WAC: variants seen among roughly 807,000 people sequenced by gnomAD.
WAC encodes WW domain containing adaptor with coiled-coil, also known as WW domain-containing adapter protein with coiled-coil.
A neutral mutation model predicts 79.6 loss-of-function variants in WAC; 11 were observed. The ratio of observed to expected loss-of-function variants is 0.14; its 90% CI spans 0.09 to 0.23. The LOEUF (loss-of-function observed/expected upper bound fraction) is 0.23, where lower values mean the gene tolerates loss of function less well. WAC is among the 10% of genes least tolerant of loss of function. WAC has a pLI of 1.00. For synonymous variants in WAC, 304 were observed against 276.9 expected, an observed-to-expected ratio of 1.10 and a Z score of -0.97; for missense variants, 728 against 773.5, an observed-to-expected ratio of 0.94 and a Z score of 0.70.
chr10:28,619,809 A>G lies in WAC; in HGVS notation c.*203A>G. 3 of 460,708 alleles carry G rather than the reference A, an allele frequency of 6.5e-6. No individual in the cohort carries two copies. The highest frequency in any genetic ancestry group is 1.1e-5 in the Non-Finnish European group (3 of 262,682). The allele number at this position is 460,708 out of a possible 1,614,324, so 28.5% of individuals were successfully genotyped here. On this transcript the variant is annotated 3_prime_UTR_variant, in exon 14 of 14. Coordinates refer to ENST00000354911, the MANE Select transcript of WAC (RefSeq NM_016628.5). ...AACCCTTGAAATGTAGATTTCTTGT[A>G]GATGTATCCTTCACGTTGTAAATAT...
chr10:28,548,220 G>A (rs984896915), intron 3 of WAC, among the ~76,000 whole-genome samples: 7 of 151,940 alleles, frequency 4.6e-5, no homozygotes, highest in African/African-American at 1.7e-4. Flanking sequence ...CACCACGCCC[G>A]GCCAACATTT....
intron 13 of WAC, among the ~76,000 whole-genome samples, chr10:28,619,043 C>T (rs1841593093): frequency 6.6e-6 from 1 of 152,206 alleles, no homozygotes; most frequent in African/African-American, 2.4e-5. Flanking sequence ...CTTTGGGAGG[C>T]CAAGGTGGGC....
rs1480658051 is a variant in WAC, at chr10:28,611,795, C to T, written c.1310C>T (p.Pro437Leu). 6 of 1,613,894 alleles carry T rather than the reference C, an allele frequency of 3.7e-6. No individual in the cohort carries two copies. Among genetic ancestry groups the T allele is most frequent in the Non-Finnish European group, 4.2e-6 (5 of 1,180,008 alleles). The part of the protein sequence containing the change: ...STQAQPSNQS[P>L]MSLTSDASSP... ...ACAGCCCAGCCATCTAATCAGTCTC[C>T]GATGTCTTTAACATCTGATGCGTCA... The change falls in exon 10 of 14, where the codon CCG becomes CTG. Residue 437 changes from proline to leucine, a missense_variant. Around this residue, in one of 3 missense-constraint regions of WAC, gnomAD observed 648 missense variants for 661.5 expected, o/e 0.98. Coordinates refer to ENST00000354911, the MANE Select transcript of WAC (RefSeq NM_016628.5).
intron 3 of WAC, among the ~76,000 whole-genome samples, chr10:28,543,617 CT>C (rs1409427797): frequency 6.6e-6 from 1 of 152,170 alleles, no homozygotes; most frequent in Non-Finnish European, 1.5e-5. Context: ...GTATGCTTGA[CT>C]TCTGAAATGC....
intron 3 of WAC, among the ~76,000 whole-genome samples, chr10:28,549,570 CT>C (rs1339076722): frequency 1.3e-5 from 2 of 152,086 alleles, no homozygotes; most frequent in African/African-American, 4.8e-5. Context: ...ATTGCAATAT[CT>C]TGTTTACAGA....
intron 6 of WAC, 40 bp downstream of exon 6, chr10:28,590,872 TTATTCG>T: frequency 7.0e-7 from 1 of 1,427,472 alleles, no homozygotes; most frequent in African/African-American, 1.4e-5. Context: ...TATGTTTGAC[TTATTCG>T]TATTTATTTT....
intron 7 of WAC, among the ~76,000 whole-genome samples, chr10:28,605,659 T>G (rs1482730136): frequency 6.6e-6 from 1 of 152,108 alleles, no homozygotes; most frequent in Non-Finnish European, 1.5e-5. Context: ...TGATGTGTAT[T>G]TTTTTTATTT....
At position 28,541,609 on chromosome 10, in the gene WAC, T is replaced by C. The variant is rs141128989; in HGVS notation, c.274+5852T>C. Among the ~76,000 whole-genome samples, 36 of 152,050 alleles carry C rather than the reference T, an allele frequency of 2.4e-4. No individual in the cohort carries two copies. In the East Asian group the frequency reaches 6.2e-3, roughly 26 times the overall value. On this transcript the variant is annotated intron_variant, in intron 3 of 13. Coordinates refer to ENST00000354911, the MANE Select transcript of WAC (RefSeq NM_016628.5). The stretch of plus-strand genomic sequence containing the variant: ...TCAGGATTTGTATGATGCTTTATAA[T>C]TTTCAAAGGGTTTCTATATTGTTTC...
At chr10:28,559,627 G>A (rs1197542386) in intron 3 of WAC, among the ~76,000 whole-genome samples, 2 of 152,202 alleles carry the variant, frequency 1.3e-5, no homozygotes, top group Admixed American at 6.5e-5. Flanking sequence ...AAGGATGTTT[G>A]ATGGCAGTTC....
intron 3 of WAC, among the ~76,000 whole-genome samples, chr10:28,561,782 G>A (rs1224427171): frequency 6.6e-6 from 1 of 152,156 alleles, no homozygotes; most frequent in Admixed American, 6.5e-5. Context: ...ATCAGCCACG[G>A]CATTAGATTC....
At chr10:28,559,589 G>T (rs935933045) in intron 3 of WAC, among the ~76,000 whole-genome samples, 1 of 152,162 alleles carries the variant, frequency 6.6e-6, no homozygotes, top group African/African-American at 2.4e-5. Flanking sequence ...AGTTTGTAAA[G>T]ACAAGGAAAC....
chr10:28,611,553 C>T, intron 9 of WAC: 1 of 1,341,052 alleles, frequency 7.5e-7, no homozygotes, highest in Non-Finnish European at 9.8e-7. Flanking sequence ...GGAGAGTGGG[C>T]CACACTGGGT....
intron 3 of WAC, among the ~76,000 whole-genome samples, chr10:28,542,301 G>A (rs994772471): frequency 6.6e-6 from 1 of 152,104 alleles, no homozygotes; most frequent in African/African-American, 2.4e-5. Flanking sequence ...CTTGTATGAA[G>A]GTGACCTGTT....
Position 28,622,491 on chromosome 10 carries a change from G to A in WAC, c.*2885G>A, listed in dbSNP as rs912120323. On this transcript the variant is annotated 3_prime_UTR_variant, in exon 14 of 14. Coordinates refer to ENST00000354911, the MANE Select transcript of WAC (RefSeq NM_016628.5). ...CTATTCAAACTTTTAAAATGTCGTG[G>A]TATTGTAACAATATATTTGATGAAA... is the stretch of plus-strand genomic sequence containing the variant. 1 of 128,890 alleles carries A rather than the reference G, an allele frequency of 7.8e-6. No individual in the cohort carries two copies. Among genetic ancestry groups the A allele is most frequent in the South Asian group, 2.4e-4 (1 of 4,228 alleles). The allele number at this position is 128,890 out of a possible 1,614,324, so 8.0% of individuals were successfully genotyped here.
rs1378297779 is a variant in WAC, at chr10:28,589,722, A to AT, written c.382-14_382-13insT. ...GTATTAACATTTTCTAATTGTAAAA[A>AT]ATATATTTTTAAGCCTTATGATTCT... On this transcript the variant is annotated splice_polypyrimidine_tract_variant and intron_variant, in intron 4 of 13. Coordinates refer to ENST00000354911, the MANE Select transcript of WAC (RefSeq NM_016628.5). 5.2e-6 allele frequency: 8 copies of AT among 1,528,590 alleles called. No individual in the cohort carries two copies. The highest frequency in any genetic ancestry group is 7.2e-6 in the Non-Finnish European group (8 of 1,115,828). The allele number at this position is 1,528,590 out of a possible 1,614,324, so 94.7% of individuals were successfully genotyped here. A position where few individuals can be genotyped will look rare whatever the true frequency, so the allele number is the denominator to read the frequency against.
intron 1 of WAC, 160 bp downstream of exon 1, chr10:28,533,780 A>G: frequency 5.2e-6 from 5 of 970,866 alleles, no homozygotes; most frequent in South Asian, 1.6e-5. Context: ...GCGGGCGGGA[A>G]CGCAGTGTGG....
chr10:28,583,675 C>CA (rs1316350831), intron 4 of WAC, among the ~76,000 whole-genome samples, 170 bp downstream of exon 4: 2 of 151,552 alleles, frequency 1.3e-5, no homozygotes, highest in African/African-American at 4.9e-5. Context: ...TATTTTAAAC[C>CA]AATGAGCCAA....
chr10:28,597,658 G>A (rs1314929366), intron 7 of WAC, among the ~76,000 whole-genome samples: 2 of 151,992 alleles, frequency 1.3e-5, no homozygotes, highest in Non-Finnish European at 2.9e-5. Context: ...TCAGACTTAC[G>A]TATCTACTTA....
intron 3 of WAC, among the ~76,000 whole-genome samples, chr10:28,542,737 T>A (rs1009811354): frequency 3.3e-5 from 5 of 152,254 alleles, no homozygotes; most frequent in Non-Finnish European, 7.3e-5. Context: ...GTCTGCCTTG[T>A]AAATTCCTGT....
Sources: gnomAD v4.1 joint callset for allele counts (sites outside exome capture counted in the v4.1 genomes callset) on GRCh38, gnomAD v4.1.1 for gene constraint, gnomAD v4.1.1 regional missense constraint, MANE v1.5 for transcripts, NCBI Gene and HGNC (gene_info 2026-07-23, HGNC 2026-07-21) for gene names.